Variants in PHC3 observed in about 807,000 individuals in gnomAD.
The protein encoded by PHC3 is polyhomeotic-like protein 3.
PHC3 carries 13 observed loss-of-function variants against 107.4 expected under a neutral mutation model. The observed-to-expected ratio is 0.12, with a 90% CI of 0.08 to 0.19. The LOEUF is 0.19. PHC3 is among the 10% of genes least tolerant of loss of function. The probability of loss-of-function intolerance (pLI) is 1.00; values close to 1 mark genes in which losing one functional copy is unlikely to be tolerated. For missense variants in PHC3, 992 were observed against 1,210.9 expected (o/e 0.82, Z 2.68); for synonymous variants, 456 against 427.4 (o/e 1.07, Z -0.83).
chr3:170,108,285 A>C (rs1716960975), intron 11 of PHC3, among the ~76,000 whole-genome samples: 1 of 152,208 alleles, frequency 6.6e-6, no homozygotes, highest in South Asian at 2.1e-4. Flanking sequence ...GGACTCAGAA[A>C]TGTAGACATG....
chr3:170,152,023 T>C (rs781716061), intron 4 of PHC3, among the ~76,000 whole-genome samples: 11 of 152,090 alleles, frequency 7.2e-5, no homozygotes, highest in African/African-American at 9.7e-5. Context: ...AACTGTATAG[T>C]AGGCACATGA....
intron 14 of PHC3, among the ~76,000 whole-genome samples, chr3:170,099,965 G>A (rs1488691833): frequency 2.0e-5 from 3 of 152,126 alleles, no homozygotes; most frequent in Non-Finnish European, 2.9e-5. Context: ...AAGATAACCC[G>A]CAGTAAATTG....
intron 4 of PHC3, among the ~76,000 whole-genome samples, chr3:170,168,420 A>G (rs1235016221): frequency 6.6e-6 from 1 of 152,206 alleles, no homozygotes; most frequent in Non-Finnish European, 1.5e-5. Flanking sequence ...TACTAAAGAC[A>G]TAAACCTAAA....
chr3:170,118,696 C>T (rs1385701855), intron 9 of PHC3, among the ~76,000 whole-genome samples: 1 of 152,016 alleles, frequency 6.6e-6, no homozygotes, highest in Non-Finnish European at 1.5e-5. Context: ...CAGGCGTGAG[C>T]CACTCACCAT....
chr3:170,125,860 G>T, intron 8 of PHC3: 1 of 334,126 alleles, frequency 3.0e-6, no homozygotes, highest in East Asian at 1.7e-4. Flanking sequence ...GCAAAGTGGA[G>T]GTTTTGCTCA....
intron 6 of PHC3, among the ~76,000 whole-genome samples, chr3:170,139,331 A>G (rs892925468): frequency 3.3e-5 from 5 of 152,208 alleles, no homozygotes; most frequent in Non-Finnish European, 7.3e-5. Flanking sequence ...AAATCTGTTC[A>G]TGTTTACCAA....
chr3:170,119,455 T>G (rs752054259), intron 9 of PHC3, among the ~76,000 whole-genome samples: 1 of 152,236 alleles, frequency 6.6e-6, no homozygotes, highest in South Asian at 2.1e-4. Flanking sequence ...GCCAAACTTA[T>G]AGTCCTAAAT....
chr3:170,145,209 C>G (rs1724749057), intron 6 of PHC3, among the ~76,000 whole-genome samples: 1 of 152,172 alleles, frequency 6.6e-6, no homozygotes, highest in Non-Finnish European at 1.5e-5. Flanking sequence ...CAACCAATGT[C>G]AAATAACCTA....
intron 6 of PHC3, among the ~76,000 whole-genome samples, chr3:170,139,702 T>C (rs186684439): frequency 3.7e-4 from 56 of 152,350 alleles, no homozygotes; most frequent in Non-Finnish European, 6.3e-4. Context: ...ATATCTATGA[T>C]CATTTTGACT....
chr3:170,160,378 G>A (rs1727692328), intron 4 of PHC3, among the ~76,000 whole-genome samples: 1 of 152,156 alleles, frequency 6.6e-6, no homozygotes, highest in South Asian at 2.1e-4. Flanking sequence ...ATTATTTACT[G>A]TTTGATATAT....
chr3:170,106,199 AAG>A lies in PHC3; in HGVS notation c.2468+631_2468+632del, dbSNP rs148006313. Among the ~76,000 whole-genome samples the A allele has an allele frequency of 3.9e-3, 599 of 152,234 alleles. 18 individuals are homozygous for A. The East Asian group carries it at 0.097, about 25-fold the overall frequency. Reference sequence around the variant, plus strand: ...TGCACTCCAGCCTGGGCTATAGAGTAAGACTCTATATCCAAAAACAAACAAAC... The same window carrying A: ...TGCACTCCAGCCTGGGCTATAGAGTAACTCTATATCCAAAAACAAACAAAC... On this transcript the variant is annotated intron_variant, in intron 12 of 14. Coordinates refer to ENST00000495893, the MANE Select transcript of PHC3 (RefSeq NM_024947.4).
In PHC3 at chr3:170,169,036, G is replaced by T. The variant is rs1049867297; in HGVS notation, c.414+2337C>A. ...AATCCAAAATCCAAAATGTTCCAAT[G>T]AACACTCCTCCTTTGAATGTCATGT... On this transcript the variant is annotated intron_variant, in intron 4 of 14. Coordinates refer to ENST00000495893, the MANE Select transcript of PHC3 (RefSeq NM_024947.4). Among the ~76,000 whole-genome samples the T allele has an allele frequency of 2.7e-5, 4 of 150,918 alleles. No homozygotes were observed. The South Asian group carries it at 8.4e-4, about 32-fold the overall frequency.
rs1714567622 is a variant in PHC3, at chr3:170,095,730, A to C, written c.*1500T>G. On this transcript the variant is annotated 3_prime_UTR_variant, in exon 15 of 15. Coordinates refer to ENST00000495893, the MANE Select transcript of PHC3 (RefSeq NM_024947.4). ...AACAAAACATTCATCATCTCAAATA[A>C]AATTTTTGATGTCCAGGACTATAAA... The C allele has an allele frequency of 6.6e-6, 1 of 152,184 alleles. No homozygotes were observed. Among genetic ancestry groups the C allele is most frequent in the African/African-American group, 2.4e-5 (1 of 41,454 alleles). 9.4% of individuals were successfully genotyped at this position (152,184 alleles called of 1,614,324 possible). A position where few individuals can be genotyped will look rare whatever the true frequency, so the allele number is the denominator to read the frequency against.
intron 9 of PHC3, among the ~76,000 whole-genome samples, chr3:170,121,292 A>G (rs1431862650): frequency 6.6e-6 from 1 of 152,074 alleles, no homozygotes. Context: ...TGGGCAACAT[A>G]GTGAGACCCT....
chr3:170,177,373 A>G (rs955857313), intron 2 of PHC3, among the ~76,000 whole-genome samples: 1 of 151,904 alleles, frequency 6.6e-6, no homozygotes, highest in Non-Finnish European at 1.5e-5. Context: ...AATACTATAT[A>G]TATATATTTT....
intron 2 of PHC3, among the ~76,000 whole-genome samples, chr3:170,176,141 G>C (rs561571328): frequency 6.7e-6 from 1 of 148,984 alleles, no homozygotes; most frequent in East Asian, 2.0e-4. Context: ...CAGGAGAATC[G>C]CTTGAACCTG....
intron 10 of PHC3, 122 bp from the exon 11 acceptor site, chr3:170,113,641 A>T: frequency 1.1e-6 from 1 of 899,564 alleles, no homozygotes; most frequent in Non-Finnish European, 1.6e-6. Context: ...AACTGATCAG[A>T]TCCATTTAGT....
chr3:170,144,158 TAAAAAAAA>T (rs60191414), intron 6 of PHC3, among the ~76,000 whole-genome samples: 3 of 118,848 alleles, frequency 2.5e-5, no homozygotes, highest in Non-Finnish European at 5.3e-5. Flanking sequence ...TGTTTCTACT[TAAAAAAAA>T]AAAAAAAAAG....
At chr3:170,115,819 G>GA (rs1003750515) in intron 10 of PHC3, among the ~76,000 whole-genome samples, 1 of 151,656 alleles carries the variant, frequency 6.6e-6, no homozygotes, top group Non-Finnish European at 1.5e-5. Flanking sequence ...AGCAGACAGG[G>GA]AAAAAAGACT....
Sources: gnomAD v4.1 joint callset for allele counts (sites outside exome capture counted in the v4.1 genomes callset) on GRCh38, gnomAD v4.1.1 for gene constraint, MANE v1.5 for transcripts, NCBI Gene and HGNC (gene_info 2026-07-23, HGNC 2026-07-21) for gene names.